GALNT13: variants seen among roughly 807,000 people sequenced by gnomAD.
GALNT13 encodes UDP-GalNAc:polypeptide N-acetylgalactosaminyltransferase 13.
Under a neutral mutation model 64.2 loss-of-function variants are expected in GALNT13, and 28 were observed. The ratio of observed to expected loss-of-function variants is 0.44; its 90% confidence interval spans 0.32 to 0.60. GALNT13 has a LOEUF of 0.60. Ranked by LOEUF, GALNT13 falls within the 20% of genes least tolerant of loss-of-function variation. The pLI, the probability that GALNT13 is intolerant of heterozygous loss-of-function variation, is 0.05. For synonymous variants in GALNT13, 214 were observed against 224.6 expected (o/e 0.95, Z 0.42); for missense variants, 577 against 669.8 (o/e 0.86, Z 1.53).
At chr2:153,090,824 C>T in the GALNT13 span, among the ~76,000 whole-genome samples, 1 of 151,736 alleles carries the variant, frequency 6.6e-6, no homozygotes, top group African/African-American at 2.4e-5. Context: ...GAATGGTTCT[C>T]AGGCCAATGG....
At chr2:153,947,529 G>GT (rs147532510) in intron 3 of GALNT13, among the ~76,000 whole-genome samples, 28,095 of 149,422 alleles carry the variant, frequency 0.19, 3,467 homozygotes, top group African/African-American at 0.34. Context: ...CTTTTTGGTG[G>GT]TTTTTTTTTC....
the GALNT13 span, among the ~76,000 whole-genome samples, chr2:153,709,112 G>T: frequency 1.3e-5 from 2 of 151,998 alleles, no homozygotes; most frequent in African/African-American, 4.8e-5. Context: ...CACAGAGAAT[G>T]AAAGGAAACC....
the GALNT13 span, among the ~76,000 whole-genome samples, chr2:153,670,426 C>A: frequency 1.3e-5 from 2 of 152,160 alleles, no homozygotes; most frequent in African/African-American, 4.8e-5. Flanking sequence ...AGTGAACCTC[C>A]AGCAAACTCC....
the GALNT13 span, among the ~76,000 whole-genome samples, chr2:153,828,804 GA>G: frequency 9.3e-4 from 141 of 152,218 alleles, no homozygotes; most frequent in African/African-American, 3.3e-3. Flanking sequence ...CAAATTTTCT[GA>G]ACTTTTATGC....
chr2:153,654,304 G>A, the GALNT13 span, among the ~76,000 whole-genome samples: 2 of 152,036 alleles, frequency 1.3e-5, no homozygotes, highest in African/African-American at 4.8e-5. Flanking sequence ...CAATTGTGTG[G>A]ATCTTACTTG....
At chr2:154,067,532 G>A (rs1216681626) in intron 3 of GALNT13, among the ~76,000 whole-genome samples, 1 of 149,272 alleles carries the variant, frequency 6.7e-6, no homozygotes, top group Non-Finnish European at 1.5e-5. Flanking sequence ...ACTATAAGAA[G>A]AGACAAAGAA....
At chr2:153,525,889 T>G in the GALNT13 span, among the ~76,000 whole-genome samples, 1 of 152,166 alleles carries the variant, frequency 6.6e-6, no homozygotes, top group Non-Finnish European at 1.5e-5. Context: ...CCTTGGGCCT[T>G]AAAGAAACAT....
intron 11 of GALNT13, among the ~76,000 whole-genome samples, chr2:154,414,441 T>C (rs1699917890): frequency 6.6e-6 from 1 of 152,130 alleles, no homozygotes; most frequent in South Asian, 2.1e-4. Context: ...ATAGTCACTG[T>C]ATTTGCATTG....
chr2:153,228,394 C>T, the GALNT13 span, among the ~76,000 whole-genome samples: 2 of 152,028 alleles, frequency 1.3e-5, no homozygotes, highest in African/African-American at 4.8e-5. Flanking sequence ...TTTTTTGGCA[C>T]CTTAATGAAC....
the GALNT13 span, among the ~76,000 whole-genome samples, chr2:153,427,729 A>G: frequency 0.034 from 5,190 of 152,276 alleles, 310 homozygotes; most frequent in African/African-American, 0.12. Flanking sequence ...CAGCACATTC[A>G]TATGGTTTAC....
the GALNT13 span, among the ~76,000 whole-genome samples, chr2:153,482,872 C>G: frequency 6.6e-6 from 1 of 151,188 alleles, no homozygotes; most frequent in African/African-American, 2.4e-5. Context: ...TCTATGGAAA[C>G]AACTGGAAAA....
chr2:153,593,748 C>T, the GALNT13 span, among the ~76,000 whole-genome samples: 2 of 152,228 alleles, frequency 1.3e-5, no homozygotes, highest in Admixed American at 6.5e-5. Flanking sequence ...CTTTAATGTT[C>T]AATGTTCCAC....
At chr2:153,402,722 GCTC>G in the GALNT13 span, among the ~76,000 whole-genome samples, 1 of 151,888 alleles carries the variant, frequency 6.6e-6, no homozygotes, top group African/African-American at 2.4e-5. Flanking sequence ...GATCGCATTG[GCTC>G]CTGAGGCTTC....
chr2:153,914,227 A>G (rs891105453), intron 2 of GALNT13, among the ~76,000 whole-genome samples: 4 of 152,202 alleles, frequency 2.6e-5, no homozygotes, highest in African/African-American at 2.4e-5. Flanking sequence ...CAAATCAAAG[A>G]GAACACTGTC....
the GALNT13 span, among the ~76,000 whole-genome samples, chr2:153,372,028 A>G: frequency 9.2e-5 from 14 of 152,154 alleles, no homozygotes; most frequent in Non-Finnish European, 1.6e-4. Context: ...CTTGTGAGGG[A>G]CCAGTATGTT....
chr2:153,503,680 A>T, the GALNT13 span, among the ~76,000 whole-genome samples: 1 of 152,092 alleles, frequency 6.6e-6, no homozygotes, highest in Non-Finnish European at 1.5e-5. Context: ...GCCTCAAATG[A>T]TCCACCCACC....
At chr2:153,494,224 A>G in the GALNT13 span, among the ~76,000 whole-genome samples, 1 of 150,934 alleles carries the variant, frequency 6.6e-6, no homozygotes, top group Non-Finnish European at 1.5e-5. Context: ...AATTGTGTGT[A>G]TGTATTTTTC....
chr2:153,416,105 C>T, the GALNT13 span, among the ~76,000 whole-genome samples: 1 of 152,034 alleles, frequency 6.6e-6, no homozygotes, highest in South Asian at 2.1e-4. Flanking sequence ...AAAAGCAGTC[C>T]TCTGGTTTTG....
intron 4 of GALNT13, among the ~76,000 whole-genome samples, chr2:154,149,689 A>G (rs1322142019): frequency 6.6e-6 from 1 of 152,116 alleles, no homozygotes; most frequent in Non-Finnish European, 1.5e-5. Flanking sequence ...GTTTGAAGCA[A>G]TTGTGAATGG....
Sources: allele counts gnomAD v4.1 joint callset (sites outside exome capture counted in the v4.1 genomes callset), GRCh38; gene constraint gnomAD v4.1.1; transcripts MANE v1.5; gene names NCBI Gene and HGNC (gene_info 2026-07-23, HGNC 2026-07-21).